Variants in SPAG16 observed in about 807,000 individuals in gnomAD.
SPAG16 encodes the protein sperm-associated antigen 16 protein.
SPAG16 carries 86 observed loss-of-function variants against 80.4 expected under a neutral mutation model. The ratio of observed to expected loss-of-function variants is 1.07; its 90% confidence interval spans 0.90 to 1.28. The LOEUF (loss-of-function observed/expected upper bound fraction) is 1.28, where lower values mean the gene tolerates loss of function less well. SPAG16 is among the 50% of genes most tolerant of loss of function. The pLI, the probability that SPAG16 is intolerant of heterozygous loss-of-function variation, is 0.00. For missense variants in SPAG16, 870 were observed against 765.3 expected, an observed-to-expected ratio of 1.14 and a Z score of -1.61; for synonymous variants, 294 against 265.9, an observed-to-expected ratio of 1.11 and a Z score of -1.03.
In SPAG16 at chr2:214,196,989, AT is replaced by A. The variant is rs780221887; in HGVS notation, c.1720+47724del. Among the ~76,000 whole-genome samples, 119 of 152,152 alleles carry A rather than the reference AT, an allele frequency of 7.8e-4. 1 individual carries two copies. The highest frequency in any genetic ancestry group is 8.5e-4 in the Non-Finnish European group (58 of 67,956). ...TGATGCCAGCTTCTTATGATAATGT[AT>A]AAATCTAACAGCCATAATTAATAAT... On this transcript the variant is annotated intron_variant, in intron 15 of 15. Transcript: ENST00000331683.
At chr2:214,195,137 G>C (rs1363102667) in intron 15 of SPAG16, among the ~76,000 whole-genome samples, 2 of 152,026 alleles carry the variant, frequency 1.3e-5, no homozygotes, top group Non-Finnish European at 1.5e-5. Flanking sequence ...AAAAGGAATA[G>C]TCTGCCAGGA....
chr2:214,290,932 T>C (rs574057878), intron 15 of SPAG16, among the ~76,000 whole-genome samples: 1 of 152,322 alleles, frequency 6.6e-6, no homozygotes, highest in Non-Finnish European at 1.5e-5. Context: ...CTGTTTCTAT[T>C]AAAAGTGCAA....
chr2:213,940,122 A>T (rs2079138651), intron 12 of SPAG16, among the ~76,000 whole-genome samples: 1 of 152,206 alleles, frequency 6.6e-6, no homozygotes, highest in South Asian at 2.1e-4. Context: ...GAAACACAAA[A>T]CATATAATTA....
At chr2:213,422,336 A>G (rs1184064508) in intron 9 of SPAG16, 1 of 699,248 alleles carries the variant, frequency 1.4e-6, no homozygotes, top group East Asian at 2.7e-5. Context: ...CTCCAGGCTT[A>G]CACAGATCCA....
chr2:213,881,080 A>G (rs149956286), intron 11 of SPAG16, among the ~76,000 whole-genome samples: 1 of 152,256 alleles, frequency 6.6e-6, no homozygotes, highest in East Asian at 1.9e-4. Flanking sequence ...TTTTAATGAT[A>G]TTGACTCTCC....
chr2:213,665,786 A>G (rs1195763611), intron 10 of SPAG16, among the ~76,000 whole-genome samples: 1 of 152,148 alleles, frequency 6.6e-6, no homozygotes, highest in South Asian at 2.1e-4. Context: ...CCTATCTAAC[A>G]AACATATTTT....
intron 10 of SPAG16, among the ~76,000 whole-genome samples, chr2:213,559,880 A>G (rs1474002645): frequency 6.6e-6 from 1 of 152,100 alleles, no homozygotes; most frequent in Non-Finnish European, 1.5e-5. Flanking sequence ...TCAATATTTT[A>G]AACACGGCAT....
chr2:213,713,794 G>T (rs1000026992), intron 10 of SPAG16, among the ~76,000 whole-genome samples: 5 of 152,258 alleles, frequency 3.3e-5, no homozygotes, highest in African/African-American at 1.2e-4. Context: ...ACTGGACTGG[G>T]ATTTTTAAGA....
chr2:214,378,289 G>T (rs73089243), intron 15 of SPAG16, among the ~76,000 whole-genome samples: 5,483 of 152,246 alleles, frequency 0.036, 321 homozygotes, highest in African/African-American at 0.12. Flanking sequence ...GAGATAATTT[G>T]GGGCTTCAAA....
intron 15 of SPAG16, among the ~76,000 whole-genome samples, chr2:214,258,622 T>C (rs766570568): frequency 2.6e-5 from 4 of 151,972 alleles, no homozygotes; most frequent in Non-Finnish European, 4.4e-5. Flanking sequence ...CAAGTGTCTT[T>C]TTCATATAAT....
chr2:213,383,491 T>G (rs1032198121), intron 9 of SPAG16, among the ~76,000 whole-genome samples: 2 of 152,192 alleles, frequency 1.3e-5, no homozygotes, highest in Non-Finnish European at 2.9e-5. Flanking sequence ...CAGTGTATAT[T>G]AAGATTATAT....
intron 5 of SPAG16, among the ~76,000 whole-genome samples, chr2:213,325,424 A>G (rs995943304): frequency 1.3e-5 from 2 of 152,002 alleles, no homozygotes; most frequent in African/African-American, 2.4e-5. Flanking sequence ...AATTTTCTTT[A>G]CTATAGGAAT....
At chr2:213,696,615 A>C (rs2065162679) in intron 10 of SPAG16, among the ~76,000 whole-genome samples, 1 of 152,222 alleles carries the variant, frequency 6.6e-6, no homozygotes, top group Admixed American at 6.5e-5. Flanking sequence ...AAAAGAAAGT[A>C]CTTAAAGAGG....
At chr2:214,111,387 A>G (rs2053655449) in intron 14 of SPAG16, among the ~76,000 whole-genome samples, 1 of 151,618 alleles carries the variant, frequency 6.6e-6, no homozygotes, top group African/African-American at 2.4e-5. Flanking sequence ...TTAAATAGGG[A>G]CTCCTTTCCC....
At position 214,410,183 on chromosome 2, in the gene SPAG16, G is replaced by A. The variant is rs748581316; in HGVS notation, c.1764G>A (p.Leu588=). ...AQASGNGVIH[L]LDLKSGEIHK... The stretch of plus-strand genomic sequence containing the variant: ...CAAGTGGCAATGGTGTTATCCATTT[G>A]CTAGATCTTAAATCTGGGGAGATTC... Residue 588 remains leucine, a synonymous_variant, in exon 16 of 16, where the codon TTG becomes TTA. Transcript: ENST00000331683. 3.1e-6 allele frequency: 5 copies of A among 1,613,730 alleles called. No homozygotes were observed. The East Asian group carries it at 1.1e-4, about 36-fold the overall frequency.
chr2:213,741,174 TA>T (rs2067534362), intron 10 of SPAG16, among the ~76,000 whole-genome samples: 1 of 152,152 alleles, frequency 6.6e-6, no homozygotes, highest in South Asian at 2.1e-4. Context: ...GAATATATGA[TA>T]AAAATCTGAA....
intron 7 of SPAG16, among the ~76,000 whole-genome samples, chr2:213,358,415 T>G (rs1229912836): frequency 1.3e-5 from 2 of 152,228 alleles, no homozygotes; most frequent in Non-Finnish European, 2.9e-5. Context: ...AGATTTGGTC[T>G]TTTCACATAG....
chr2:214,400,088 C>G (rs903081345), intron 15 of SPAG16, among the ~76,000 whole-genome samples: 1 of 151,976 alleles, frequency 6.6e-6, no homozygotes, highest in African/African-American at 2.4e-5. Context: ...CTGTAATATT[C>G]AGAAGGTAGC....
At chr2:213,400,874 G>A (rs1000152921) in intron 9 of SPAG16, among the ~76,000 whole-genome samples, 11 of 151,910 alleles carry the variant, frequency 7.2e-5, no homozygotes, top group South Asian at 4.2e-4. Context: ...TGGCATGATC[G>A]CGGCTCACAG....
Sources: allele counts gnomAD v4.1 joint callset (sites outside exome capture counted in the v4.1 genomes callset), GRCh38; gene constraint gnomAD v4.1.1; transcripts MANE v1.5; gene names NCBI Gene and HGNC (gene_info 2026-07-23, HGNC 2026-07-21).